SPMIP6: variants seen among roughly 807,000 people sequenced by gnomAD.
The protein encoded by SPMIP6 is sperm microtubule inner protein 6.
the SPMIP6 span, among the ~76,000 whole-genome samples, chr9:34,383,129 T>C: frequency 7.2e-5 from 11 of 152,206 alleles, no homozygotes; most frequent in Admixed American, 2.6e-4. Context: ...ACTACCCTTT[T>C]TGAATCAGCC....
the SPMIP6 span, among the ~76,000 whole-genome samples, chr9:34,388,625 G>C: frequency 2.0e-5 from 3 of 152,176 alleles, no homozygotes; most frequent in East Asian, 3.9e-4. Context: ...AGCTTTCTCC[G>C]ATCTGCTAAG....
chr9:34,395,000 C>G, the SPMIP6 span, among the ~76,000 whole-genome samples: 1 of 150,576 alleles, frequency 6.6e-6, no homozygotes, highest in Non-Finnish European at 1.5e-5. Flanking sequence ...GGGCCTCGCT[C>G]TGTCATCCAG....
the SPMIP6 span, among the ~76,000 whole-genome samples, chr9:34,388,503 T>A: frequency 6.6e-6 from 1 of 152,140 alleles, no homozygotes; most frequent in Non-Finnish European, 1.5e-5. Flanking sequence ...CTTGGCCCTG[T>A]CCCATCCTCA....
At chr9:34,390,748 C>A in the SPMIP6 span, among the ~76,000 whole-genome samples, 6 of 151,996 alleles carry the variant, frequency 3.9e-5, no homozygotes, top group Non-Finnish European at 7.4e-5. Flanking sequence ...GCCTCCGCAG[C>A]AGCTGGGACC....
the SPMIP6 span, among the ~76,000 whole-genome samples, chr9:34,384,449 G>A: frequency 1.4e-4 from 21 of 152,124 alleles, no homozygotes; most frequent in Admixed American, 2.6e-4. Context: ...CCTGTGTGCT[G>A]GAGGATTAAC....
At chr9:34,379,882 A>G in the SPMIP6 span, 3 of 601,462 alleles carry the variant, frequency 5.0e-6, no homozygotes, top group Non-Finnish European at 8.9e-6. The surrounding 1 kb of genome is among the most constrained non-coding windows in gnomAD (Gnocchi z 4.2). Context: ...CAAAACCCCC[A>G]CTGCAGCACC....
the SPMIP6 span, chr9:34,380,660 G>A: frequency 6.5e-7 from 1 of 1,538,008 alleles, no homozygotes; most frequent in Non-Finnish European, 8.8e-7. Context: ...AGCCCAGTTT[G>A]AGAGGGACAG....
chr9:34,379,310 C>G, the SPMIP6 span: 1 of 667,750 alleles, frequency 1.5e-6, no homozygotes, highest in Admixed American at 2.3e-5. This position sits in a 1 kb window ranked among gnomAD's most constrained non-coding sequence, Gnocchi z 4.2. Context: ...CAATACTGAC[C>G]TCCTGACCTT....
At chr9:34,379,785 T>A in the SPMIP6 span, 3 of 1,434,814 alleles carry the variant, frequency 2.1e-6, no homozygotes, top group Non-Finnish European at 2.9e-6. The surrounding 1 kb of genome is among the most constrained non-coding windows in gnomAD (Gnocchi z 4.2). Context: ...TTGACTCTCA[T>A]CCCCCGATTT....
the SPMIP6 span, among the ~76,000 whole-genome samples, chr9:34,388,657 T>A: frequency 1.3e-5 from 2 of 152,200 alleles, no homozygotes; most frequent in African/African-American, 2.4e-5. Flanking sequence ...TTATTTATCA[T>A]CTTTTCCAGC....
At chr9:34,395,773 C>T in the SPMIP6 span, among the ~76,000 whole-genome samples, 2 of 152,174 alleles carry the variant, frequency 1.3e-5, no homozygotes, top group African/African-American at 2.4e-5. Flanking sequence ...ATTAGCATTC[C>T]TCCAGCTGCC....
At chr9:34,387,618 T>TAC in the SPMIP6 span, among the ~76,000 whole-genome samples, 478 of 152,060 alleles carry the variant, frequency 3.1e-3, 5 homozygotes, top group South Asian at 3.5e-3. Context: ...TAAACACAGA[T>TAC]ACACACACAC....
At chr9:34,381,051 C>A in the SPMIP6 span, 1 of 1,611,820 alleles carries the variant, frequency 6.2e-7, no homozygotes, top group South Asian at 1.1e-5. This position sits in a 1 kb window ranked among gnomAD's most constrained non-coding sequence, Gnocchi z 4.4. Context: ...AGCGGGTCCA[C>A]GCACCCGCAT....
the SPMIP6 span, among the ~76,000 whole-genome samples, chr9:34,392,442 C>CGTGTGTGTGTGTGT: frequency 8.0e-3 from 1,193 of 148,204 alleles, 8 homozygotes; most frequent in African/African-American, 0.019. The surrounding 1 kb of genome is among the most constrained non-coding windows in gnomAD (Gnocchi z 4.6). Context: ...ATCTAAAAAC[C>CGTGTGTGTGTGTGT]GTGTGTGTGT....
chr9:34,380,710 G>A, the SPMIP6 span: 1 of 1,548,276 alleles, frequency 6.5e-7, no homozygotes. Context: ...TGGTTCTCCC[G>A]CCTCAGTTGT....
chr9:34,395,544 C>G, the SPMIP6 span, among the ~76,000 whole-genome samples: 1 of 152,032 alleles, frequency 6.6e-6, no homozygotes, highest in Non-Finnish European at 1.5e-5. Context: ...GCCATTTTCT[C>G]TCTCTTCTTT....
the SPMIP6 span, among the ~76,000 whole-genome samples, chr9:34,392,051 C>T: frequency 6.6e-6 from 1 of 151,936 alleles, no homozygotes; most frequent in Non-Finnish European, 1.5e-5. The surrounding 1 kb of genome is among the most constrained non-coding windows in gnomAD (Gnocchi z 4.6). Context: ...CTTTGTTGCT[C>T]AGGCTGGCAT....
chr9:34,379,624 A>T, the SPMIP6 span: 1 of 1,606,394 alleles, frequency 6.2e-7, no homozygotes, highest in Non-Finnish European at 8.5e-7. The surrounding 1 kb of genome is among the most constrained non-coding windows in gnomAD (Gnocchi z 4.2). Context: ...TGTGCAAATG[A>T]GTGTGTGCGC....
At chr9:34,397,442 G>A in the SPMIP6 span, 1 of 1,558,920 alleles carries the variant, frequency 6.4e-7, no homozygotes, top group African/African-American at 1.4e-5. Context: ...TACATTGCCA[G>A]GCATCCAGAC....
Sources: allele counts gnomAD v4.1 joint callset (sites outside exome capture counted in the v4.1 genomes callset), GRCh38; gene constraint gnomAD v4.1.1; non-coding constraint Gnocchi (gnomAD v3.1); transcripts MANE v1.5; gene names NCBI Gene and HGNC (gene_info 2026-07-23, HGNC 2026-07-21).